Variants in ESRRB observed in about 807,000 individuals in gnomAD.
The protein encoded by ESRRB is steroid hormone receptor ERR2.
ESRRB carries 16 observed loss-of-function variants against 46.0 expected under a neutral mutation model. The ratio of observed to expected loss-of-function variants is 0.35; its 90% CI spans 0.24 to 0.53. The LOEUF (loss-of-function observed/expected upper bound fraction) is 0.53, where lower values mean the gene tolerates loss of function less well. ESRRB is among the 20% of genes least tolerant of loss of function. ESRRB has a pLI of 0.93. For missense variants in ESRRB, 488 were observed against 607.4 expected, an observed-to-expected ratio of 0.80 and a Z score of 2.07; for synonymous variants, 246 against 259.6, an observed-to-expected ratio of 0.95 and a Z score of 0.50.
intron 1 of ESRRB, among the ~76,000 whole-genome samples, chr14:76,405,506 T>G (rs1391242148): frequency 6.6e-6 from 1 of 151,974 alleles, no homozygotes; most frequent in African/African-American, 2.4e-5. Context: ...GTAGTGTGGG[T>G]GGTTTATCTT....
upstream of ESRRB, among the ~76,000 whole-genome samples, chr14:76,366,727 G>C: frequency 6.6e-6 from 1 of 152,186 alleles, no homozygotes; most frequent in South Asian, 2.1e-4. Context: ...CAGTGGAGAA[G>C]GGATACTGGG....
At chr14:76,458,216 A>C (rs1434455588) in intron 2 of ESRRB, among the ~76,000 whole-genome samples, 3 of 152,022 alleles carry the variant, frequency 2.0e-5, no homozygotes, top group African/African-American at 4.8e-5. Context: ...GTGTGCTGCC[A>C]ATGTCCTATC....
intron 1 of ESRRB, among the ~76,000 whole-genome samples, chr14:76,378,894 G>A (rs186802492): frequency 3.2e-4 from 49 of 152,162 alleles, no homozygotes; most frequent in Admixed American, 1.6e-3. Flanking sequence ...TTATAGTGCC[G>A]GCATTTCCCA....
chr14:76,447,664 T>C (rs1888208512), intron 2 of ESRRB, among the ~76,000 whole-genome samples: 1 of 152,090 alleles, frequency 6.6e-6, no homozygotes, highest in African/African-American at 2.4e-5. Flanking sequence ...GCCCTCCATG[T>C]TCAAGCCAGA....
intron 1 of ESRRB, among the ~76,000 whole-genome samples, chr14:76,341,459 C>T (rs576916964): frequency 3.1e-4 from 47 of 152,372 alleles, no homozygotes; most frequent in African/African-American, 9.9e-4. Flanking sequence ...GGCTCTCCTG[C>T]CTCCCTCAGA....
intron 1 of ESRRB, among the ~76,000 whole-genome samples, chr14:76,335,859 C>T (rs951126905): frequency 2.6e-5 from 4 of 152,150 alleles, no homozygotes; most frequent in Admixed American, 6.5e-5. Context: ...GCTCATGATG[C>T]GCCCGGTGCT....
chr14:76,322,660 A>T (rs1339044323), intron 1 of ESRRB, among the ~76,000 whole-genome samples: 1 of 152,064 alleles, frequency 6.6e-6, no homozygotes, highest in Non-Finnish European at 1.5e-5. Flanking sequence ...CCCTTGGGGG[A>T]CACGAACATG....
intron 1 of ESRRB, among the ~76,000 whole-genome samples, chr14:76,312,270 A>G (rs1361368061): frequency 1.3e-5 from 2 of 152,212 alleles, no homozygotes; most frequent in African/African-American, 4.8e-5. Context: ...GATGAAAGTT[A>G]AATAAATATG....
chr14:76,416,512 C>T (rs545233121), intron 1 of ESRRB, among the ~76,000 whole-genome samples: 7 of 152,008 alleles, frequency 4.6e-5, no homozygotes, highest in Non-Finnish European at 7.4e-5. Flanking sequence ...TCTTGTCGCC[C>T]GGGCTAGAGT....
intron 1 of ESRRB, among the ~76,000 whole-genome samples, chr14:76,437,365 A>G (rs1234367925): frequency 6.6e-6 from 1 of 152,092 alleles, no homozygotes; most frequent in Admixed American, 6.5e-5. Context: ...CATTAATGAG[A>G]CCAGGGACAG....
At chr14:76,474,188 A>G (rs974548466) in intron 3 of ESRRB, among the ~76,000 whole-genome samples, 1 of 152,226 alleles carries the variant, frequency 6.6e-6, no homozygotes, top group African/African-American at 2.4e-5. Context: ...GACTGACAGT[A>G]GTTACAACTG....
chr14:76,379,643 A>G (rs1480337678), intron 1 of ESRRB, among the ~76,000 whole-genome samples: 1 of 152,100 alleles, frequency 6.6e-6, no homozygotes, highest in Non-Finnish European at 1.5e-5. Context: ...GGGTGATAGG[A>G]GGTGGGAGGT....
At chr14:76,382,193 T>TTAAGATGGGGTGACA (rs1202530112) in intron 1 of ESRRB, among the ~76,000 whole-genome samples, 1 of 152,038 alleles carries the variant, frequency 6.6e-6, no homozygotes, top group Non-Finnish European at 1.5e-5. Context: ...GTAGTCCCCT[T>TTAAGATGGGGTGACA]TAAGATGGGG....
intron 2 of ESRRB, among the ~76,000 whole-genome samples, chr14:76,459,468 G>A (rs1888761364): frequency 1.3e-5 from 2 of 151,828 alleles, no homozygotes; most frequent in Admixed American, 1.3e-4. Flanking sequence ...CAAAGCAAAG[G>A]CCTGGCGACC....
intron 1 of ESRRB, among the ~76,000 whole-genome samples, chr14:76,389,356 T>A (rs1265726607): frequency 6.6e-6 from 1 of 152,198 alleles, no homozygotes; most frequent in Non-Finnish European, 1.5e-5. Context: ...TTTTTTCTCC[T>A]AGATCATGAG....
rs760439774 is a variant in ESRRB at position 76,495,755 on chromosome 14, T to TA, written c.1121-2452dup. Among the ~76,000 whole-genome samples, 10 of 152,218 alleles carry TA rather than the reference T, an allele frequency of 6.6e-5. No homozygotes were observed. In the East Asian group the frequency reaches 1.7e-3, roughly 26 times the overall value. ...GTAAAATACAACAAAAATAAATTAT[T>TA]AAAAAAATGAAATTAAAAACCAGAT... On this transcript the variant is annotated intron_variant, in intron 6 of 6. Coordinates refer to ENST00000644823, the MANE Select transcript of ESRRB (RefSeq NM_001379180.1).
chr14:76,463,542 G>A (rs1027368400), intron 3 of ESRRB: 2 of 148,994 alleles, frequency 1.3e-5, no homozygotes, highest in African/African-American at 5.0e-5. Context: ...TGCCTCCTGG[G>A]TTCACGCCAT....
chr14:76,362,560 A>G (rs1350979221), intron 1 of ESRRB, among the ~76,000 whole-genome samples: 1 of 152,196 alleles, frequency 6.6e-6, no homozygotes, highest in African/African-American at 2.4e-5. Context: ...GGCAGTTGCT[A>G]ACTTTTAACT....
intron 2 of ESRRB, among the ~76,000 whole-genome samples, chr14:76,452,896 T>C (rs1413045589): frequency 6.6e-6 from 1 of 151,880 alleles, no homozygotes; most frequent in Non-Finnish European, 1.5e-5. Context: ...CCCTGGAGAG[T>C]TTGGAATTAC....
Sources: gnomAD v4.1 joint callset for allele counts (sites outside exome capture counted in the v4.1 genomes callset) on GRCh38, gnomAD v4.1.1 for gene constraint, MANE v1.5 for transcripts, NCBI Gene and HGNC (gene_info 2026-07-23, HGNC 2026-07-21) for gene names.